ZNF268: variants seen among roughly 807,000 people sequenced by gnomAD.
ZNF268 encodes the protein zinc finger protein 268, also known as zinc finger protein 3.
In ZNF268, 20 loss-of-function variants were observed where a neutral mutation model predicts 29.3. The observed-to-expected ratio is 0.68, with a 90% CI of 0.48 to 0.99. The LOEUF (loss-of-function observed/expected upper bound fraction) is 0.99. Ranked by LOEUF, ZNF268 falls within the 50% of genes least tolerant of loss-of-function variation. ZNF268 has a pLI of 0.00. For synonymous variants in ZNF268, 429 were observed against 376.9 expected (o/e 1.14, Z -1.60); for missense variants, 1,240 against 1,121.6 (o/e 1.11, Z -1.51).
At chr12:133,193,460 C>T in intron 5 of ZNF268, 1 of 695,612 alleles carries the variant, frequency 1.4e-6, no homozygotes, top group Non-Finnish European at 2.6e-6. Flanking sequence ...AGCCAAGGTG[C>T]TGGCAGGTTT....
rs1956816460 is a variant in ZNF268 at position 133,203,671 on chromosome 12, A to G, written c.1985A>G (p.His662Arg). Residue 662 changes from histidine (H) to arginine (R), a missense_variant, in exon 6 of 6, where the codon CAC (histidine) becomes CGC (arginine). His to Arg is a conservative substitution (Grantham distance 29). Transcript: ENST00000536435. ...KSQLIVHKGV[H>R]TGVKPYGCSQ... Reference sequence around the variant, plus strand: ...CAGCTCATTGTACATAAAGGAGTGCACACTGGAGTAAAACCCTATGGATGC... The same window carrying G: ...CAGCTCATTGTACATAAAGGAGTGCGCACTGGAGTAAAACCCTATGGATGC... 1 of 1,550,212 alleles carries G rather than the reference A, an allele frequency of 6.5e-7. No individual in the cohort carries two copies. The highest frequency in any genetic ancestry group is 8.7e-7 in the Non-Finnish European group (1 of 1,153,040).
Position 133,191,956 on chromosome 12 carries a change from A to G in ZNF268, c.410A>G (p.Glu137Gly), listed in dbSNP as rs747981681. Reference sequence around the variant, plus strand: ...ATCATCTTCAAGTTGGAACAAGGAGAAGAGCTGTGTATGGTGCAGGCCCAA... The same window carrying G: ...ATCATCTTCAAGTTGGAACAAGGAGGAGAGCTGTGTATGGTGCAGGCCCAA... ...PDIIFKLEQGEELCMVQAQVP... is the reference protein window; with the variant it reads ...PDIIFKLEQGGELCMVQAQVP... The change falls in exon 5 of 6, where the codon GAA becomes GGA. Residue 137 changes from glutamate to glycine, a missense_variant. Glu to Gly is a moderately conservative substitution (Grantham distance 98). Around this residue, in one of 3 missense-constraint regions of ZNF268, gnomAD observed 1,177 missense variants for 1,039.6 expected, o/e 1.13. Coordinates refer to ENST00000536435, the MANE Select transcript of ZNF268 (RefSeq NM_003415.3). The G allele has an allele frequency of 3.7e-6, 6 of 1,613,998 alleles. No individual in the cohort carries two copies. The highest frequency in any genetic ancestry group is 5.1e-6 in the Non-Finnish European group (6 of 1,180,022).
chr12:133,185,912 G>A (rs1956302346), intron 2 of ZNF268, among the ~76,000 whole-genome samples: 1 of 152,196 alleles, frequency 6.6e-6, no homozygotes, highest in South Asian at 2.1e-4. Flanking sequence ...TCATTTTGTA[G>A]TGTGGTTTAT....
At chr12:133,196,659 A>G (rs1245311800) in intron 5 of ZNF268, among the ~76,000 whole-genome samples, 3 of 152,222 alleles carry the variant, frequency 2.0e-5, no homozygotes, top group Admixed American at 2.0e-4. Flanking sequence ...ATCTGATTCT[A>G]GGGCACAGAG....
intron 2 of ZNF268, among the ~76,000 whole-genome samples, chr12:133,182,964 A>G (rs758847296): frequency 1.8e-4 from 28 of 152,138 alleles, no homozygotes; most frequent in Non-Finnish European, 2.8e-4. Context: ...ACTGGGGTGC[A>G]TGGCAGGAGG....
chr12:133,187,244 C>T (rs993651310), intron 2 of ZNF268, among the ~76,000 whole-genome samples: 3 of 137,968 alleles, frequency 2.2e-5, no homozygotes, highest in Non-Finnish European at 4.8e-5. Context: ...TTTTATGTTC[C>T]TCCTAAATTT....
In ZNF268 at chr12:133,205,162, AAAAAAAAAAAAC is replaced by A. The variant is rs1356291177; in HGVS notation, c.*633_*644del. On this transcript the variant is annotated 3_prime_UTR_variant, in exon 6 of 6. Transcript: ENST00000536435. ...TTCATTCTAAAAAAAAAAAAAAAAAAAAAAAAAAAAACCAACCTGTTATTATATCTTAATATT... is the reference window on the plus strand; with the variant it reads ...TTCATTCTAAAAAAAAAAAAAAAAAACAACCTGTTATTATATCTTAATATT... The A allele has an allele frequency of 2.5e-4, 34 of 138,028 alleles. 2 individuals carry two copies. Among genetic ancestry groups the A allele is most frequent in the African/African-American group, 4.0e-4 (15 of 37,644 alleles). 8.6% of individuals were successfully genotyped at this position (138,028 alleles called of 1,614,324 possible).
chr12:133,203,450 C>A lies in ZNF268; in HGVS notation c.1764C>A (p.Asp588Glu). The change falls in exon 6 of 6, where the codon GAC (aspartate) becomes GAA (glutamate). Residue 588 changes from aspartate to glutamate, a missense_variant. Coordinates refer to ENST00000536435, the MANE Select transcript of ZNF268 (RefSeq NM_003415.3). Reference protein sequence around the residue: ...HAGEKPYECTDCGKAFGLKSQ... With the variant: ...HAGEKPYECTECGKAFGLKSQ... The stretch of plus-strand genomic sequence containing the variant: ...GAGAGAAGCCTTATGAATGCACCGA[C>A]TGTGGAAAGGCTTTTGGTTTAAAGT... 1 of 1,541,942 alleles carries A rather than the reference C, an allele frequency of 6.5e-7. No individual in the cohort carries two copies.
At chr12:133,198,137 G>A (rs4450201) in intron 5 of ZNF268, among the ~76,000 whole-genome samples, 87,525 of 145,270 alleles carry the variant, frequency 0.6, 27,592 homozygotes, top group African/African-American at 0.74. Flanking sequence ...GGTAATGCCT[G>A]GGTTTTCTTC....
Position 133,202,052 on chromosome 12 carries a change from CAT to C in ZNF268, c.458-91_458-90del, listed in dbSNP as rs560582593. On this transcript the variant is annotated intron_variant, in intron 5 of 5. Transcript: ENST00000536435. ...TATACCACAATCATGTGATTTATAA[CAT>C]GTGACTAATTGTTCTTATTTCATAG... 1,794 of 1,046,450 alleles carry C rather than the reference CAT, an allele frequency of 1.7e-3. 1 individual carries two copies. The highest frequency in any genetic ancestry group is 2.2e-3 in the Non-Finnish European group (1,617 of 742,966). 64.8% of individuals were successfully genotyped at this position (1,046,450 alleles called of 1,614,324 possible).
chr12:133,209,527 AC>A lies in ZNF268; in HGVS notation c.*4998del, dbSNP rs1243127658. ...ATTGTTTCAACTACTTGTTAGAAAC[AC>A]AGGCCATTAAAACATTAATAAAAAG... On this transcript the variant is annotated 3_prime_UTR_variant, in exon 6 of 6. Coordinates refer to ENST00000536435, the MANE Select transcript of ZNF268 (RefSeq NM_003415.3). 6.6e-6 allele frequency: 1 copy of A among 152,222 alleles called. No individual in the cohort carries two copies. The highest frequency in any genetic ancestry group is 1.9e-4 in the East Asian group (1 of 5,198). The allele number at this position is 152,222 out of a possible 1,614,324, so 9.4% of individuals were successfully genotyped here. A position where few individuals can be genotyped will look rare whatever the true frequency, so the allele number is the denominator to read the frequency against.
rs1956800593 is a variant in ZNF268, at chr12:133,203,249, T to TCATACAGGAGAAAAACTCC, written c.1564_1582dup (p.His528ProfsTer8). On this transcript the variant is annotated frameshift_variant, in exon 6 of 6. Transcript: ENST00000536435. LOFTEE classifies it low-confidence loss of function (END_TRUNC). ...CATACCTTATTATACATACAAGGAC[T>TCATACAGGAGAAAAACTCC]CATACAGGAGAAAAACTCCATGAAT... The TCATACAGGAGAAAAACTCC allele has an allele frequency of 6.5e-7, 1 of 1,537,988 alleles. No homozygotes were observed. The highest frequency in any genetic ancestry group is 8.7e-7 in the Non-Finnish European group (1 of 1,146,960).
chr12:133,204,522 A>G lies in ZNF268; in HGVS notation c.2836A>G (p.Lys946Glu), dbSNP rs1442654765. The change falls in exon 6 of 6, where the codon AAA (lysine) becomes GAA (glutamate). Residue 946 changes from lysine (K) to glutamate (E), a missense_variant. By Grantham distance (56) the Lys-to-Glu change is moderately conservative (BLOSUM62 1). Around this residue, in one of 3 missense-constraint regions of ZNF268, gnomAD observed 1,177 missense variants for 1,039.6 expected, o/e 1.13. Coordinates refer to ENST00000536435, the MANE Select transcript of ZNF268 (RefSeq NM_003415.3). ...IMHQRTHVDD[K>E]H Reference sequence around the variant, plus strand: ...GCATCAGAGAACTCATGTAGATGACAAACATTGATAATTTTACGAAACTCT... The same window carrying G: ...GCATCAGAGAACTCATGTAGATGACGAACATTGATAATTTTACGAAACTCT... The G allele has an allele frequency of 1.3e-6, 2 of 1,496,012 alleles. No homozygotes were observed. Among genetic ancestry groups the G allele is most frequent in the East Asian group, 2.5e-5 (1 of 40,492 alleles). 92.7% of individuals were successfully genotyped at this position (1,496,012 alleles called of 1,614,324 possible).
intron 5 of ZNF268, 53 bp downstream of exon 5, chr12:133,192,056 C>T (rs912463175): frequency 7.0e-7 from 1 of 1,421,792 alleles, no homozygotes; most frequent in Non-Finnish European, 9.8e-7. Context: ...GCATGAATTC[C>T]AATGTGATGT....
intron 2 of ZNF268, among the ~76,000 whole-genome samples, chr12:133,183,516 G>A (rs1423168652): frequency 1.3e-5 from 2 of 151,750 alleles, no homozygotes; most frequent in Non-Finnish European, 2.9e-5. Flanking sequence ...AAAAAAAGGA[G>A]AGGAGGTAAA....
Position 133,204,074 on chromosome 12 carries a change from T to C in ZNF268, c.2388T>C (p.Ile796=). ...GKAFSSKSYL[I]IHMRTHSGEK... ...CTTTTAGCAGCAAGTCATACCTAAT[T>C]ATACACATGAGAACTCATTCAGGTG... Residue 796 remains isoleucine, a synonymous_variant, in exon 6 of 6, where the codon ATT becomes ATC. Transcript: ENST00000536435. 1 of 1,555,462 alleles carries C rather than the reference T, an allele frequency of 6.4e-7. No individual in the cohort carries two copies. Among genetic ancestry groups the C allele is most frequent in the Non-Finnish European group, 8.7e-7 (1 of 1,153,034 alleles).
intron 5 of ZNF268, chr12:133,193,519 C>T (rs1240448879): frequency 2.9e-6 from 2 of 693,818 alleles, no homozygotes; most frequent in Non-Finnish European, 5.2e-6. Flanking sequence ...CGCCTTGTTG[C>T]TGCATCCTCT....
At position 133,210,272 on chromosome 12, in the gene ZNF268, C is replaced by G. The variant is rs1479382723; in HGVS notation, c.*5742C>G. The G allele has an allele frequency of 6.4e-6, 1 of 155,204 alleles. No individual in the cohort carries two copies. The highest frequency in any genetic ancestry group is 1.4e-5 in the Non-Finnish European group (1 of 69,918). The allele number at this position is 155,204 out of a possible 1,614,324, so 9.6% of individuals were successfully genotyped here. ...GTCTTCAGATATGGAAGCTCTGGAT[C>G]TCACTGTGATGTATCCCCCTAGGGG... On this transcript the variant is annotated 3_prime_UTR_variant, in exon 6 of 6. Coordinates refer to ENST00000536435, the MANE Select transcript of ZNF268 (RefSeq NM_003415.3).
intron 5 of ZNF268, among the ~76,000 whole-genome samples, chr12:133,195,364 C>A (rs1392484855): frequency 1.3e-5 from 2 of 152,158 alleles, no homozygotes; most frequent in Non-Finnish European, 2.9e-5. Flanking sequence ...TTTAAATAAT[C>A]TTCAAGCTTA....
Sources: gnomAD v4.1 joint callset for allele counts (sites outside exome capture counted in the v4.1 genomes callset) on GRCh38, gnomAD v4.1.1 for gene constraint, gnomAD v4.1.1 regional missense constraint, MANE v1.5 for transcripts, NCBI Gene and HGNC (gene_info 2026-07-23, HGNC 2026-07-21) for gene names.